The following UMOD variants were observed in gnomAD, a reference collection of about 807,000 sequenced individuals.
UMOD encodes Tamm-Horsfall urinary glycoprotein.
In UMOD, 64 loss-of-function variants were observed where a neutral mutation model predicts 66.0. The observed-to-expected ratio is 0.97, with a 90% CI of 0.79 to 1.19. The LOEUF (loss-of-function observed/expected upper bound fraction) is 1.19, where lower values mean the gene tolerates loss of function less well. Among genes scored for constraint, UMOD ranks in the 50% most tolerant of loss-of-function variants. The probability of loss-of-function intolerance (pLI) is 0.00; values close to 1 mark genes in which losing one functional copy is unlikely to be tolerated. For missense variants in UMOD, 764 were observed against 850.9 expected (o/e 0.90, Z 1.27); for synonymous variants, 398 against 352.7 (o/e 1.13, Z -1.44).
chr16:20,348,280 A>G lies in UMOD; in HGVS notation c.916T>C (p.Cys306Arg). 6.2e-7 allele frequency: 1 copy of G among 1,614,202 alleles called. No homozygotes were observed. The highest frequency in any genetic ancestry group is 8.5e-7 in the Non-Finnish European group (1 of 1,180,042). ...TCEECSIDED[C>R]KSNNGRWHCQ... Reference sequence around the variant, plus strand: ...TGCCATCTGCCATTATTCGATTTGCAGTCCTCGTCTATACTGCACTCCTCA... The same window carrying G: ...TGCCATCTGCCATTATTCGATTTGCGGTCCTCGTCTATACTGCACTCCTCA... The change falls in exon 4 of 11, where the codon TGC (cysteine) becomes CGC (arginine). Residue 306 changes from cysteine to arginine, a missense_variant. Coordinates refer to ENST00000396138, the MANE Select transcript of UMOD (RefSeq NM_003361.4).
chr16:20,344,253 A>C, intron 5 of UMOD, 81 bp from the exon 6 acceptor site: 1 of 1,397,378 alleles, frequency 7.2e-7, no homozygotes, highest in Non-Finnish European at 1.0e-6. Flanking sequence ...TCAAAGCTAA[A>C]TCTGCTGGTC....
At chr16:20,353,608 G>T (rs1567314681), upstream of UMOD, among the ~76,000 whole-genome samples, 1 of 152,186 alleles carries the variant, frequency 6.6e-6, no homozygotes, top group Non-Finnish European at 1.5e-5. Context: ...GAAAATGACA[G>T]AGCCTGAGTT....
intron 6 of UMOD, 65 bp from the exon 7 acceptor site, chr16:20,341,401 C>T: frequency 6.2e-7 from 1 of 1,603,374 alleles, no homozygotes; most frequent in African/African-American, 1.3e-5. Context: ...GCCACCTTCT[C>T]TGATTTGCAT....
intron 4 of UMOD, among the ~76,000 whole-genome samples, 192 bp from the exon 5 acceptor site, chr16:20,346,526 T>C (rs1407375019): frequency 6.6e-6 from 1 of 152,232 alleles, no homozygotes; most frequent in Non-Finnish European, 1.5e-5. Flanking sequence ...ATACATCCAC[T>C]GACCAACCAC....
rs916255590 is a variant in UMOD, at chr16:20,338,034, A to AC, written c.1578-582dup. On this transcript the variant is annotated intron_variant, in intron 7 of 10. Transcript: ENST00000396138. ...GGCTTTCTGGGGAGGCAAACTGGGC[A>AC]CCCCCTCTGCCATTCCGCACTCTTT... Among the ~76,000 whole-genome samples, 526 of 151,758 alleles carry AC rather than the reference A, an allele frequency of 3.5e-3. 1 individual carries two copies. Among genetic ancestry groups the AC allele is most frequent in the African/African-American group, 0.012 (483 of 41,300 alleles).
intron 6 of UMOD, among the ~76,000 whole-genome samples, chr16:20,343,294 A>G (rs939526235): frequency 6.6e-6 from 1 of 152,230 alleles, no homozygotes; most frequent in Non-Finnish European, 1.5e-5. Flanking sequence ...CGTGGCACCC[A>G]GTATGAATAG....
chr16:20,335,654 T>G (rs141410325), intron 9 of UMOD, 134 bp from the exon 10 acceptor site: 2 of 823,118 alleles, frequency 2.4e-6, no homozygotes, highest in Non-Finnish European at 4.1e-6. Flanking sequence ...CTGATCATGT[T>G]ACTCCCCTAC....
upstream of UMOD, among the ~76,000 whole-genome samples, chr16:20,355,382 C>CTTCT (rs545116281): frequency 0.013 from 1,934 of 151,290 alleles, 24 homozygotes; most frequent in Non-Finnish European, 0.02. Context: ...TTGAAACACT[C>CTTCT]TTCTTTCTTT....
At chr16:20,337,222 G>C (rs1347531223) in intron 8 of UMOD, 69 bp downstream of exon 8, 12 of 1,578,388 alleles carry the variant, frequency 7.6e-6, no homozygotes, top group Non-Finnish European at 8.7e-6. Flanking sequence ...AAGAAATATT[G>C]ATTTGTTTTC....
At chr16:20,341,780 A>G (rs1965235834) in intron 6 of UMOD, among the ~76,000 whole-genome samples, 1 of 152,208 alleles carries the variant, frequency 6.6e-6, no homozygotes, top group African/African-American at 2.4e-5. Flanking sequence ...AAAGGTATTG[A>G]GCTATGATGA....
At position 20,336,815 on chromosome 16, in the gene UMOD, G is replaced by A. The variant is rs146004778; in HGVS notation, c.1741-88C>T. 2,216 of 1,240,722 alleles carry A rather than the reference G, an allele frequency of 1.8e-3. 4 individuals are homozygous for A. Among genetic ancestry groups the A allele is most frequent in the Middle Eastern group, 4.3e-3 (19 of 4,368 alleles). The allele number at this position is 1,240,722 out of a possible 1,614,324, so 76.9% of individuals were successfully genotyped here. On this transcript the variant is annotated intron_variant, in intron 8 of 10. Coordinates refer to ENST00000396138, the MANE Select transcript of UMOD (RefSeq NM_003361.4). ...GTGGAGTGGACTGCCCACCTCACAG[G>A]TGCCTTCCCTTGCCCCAGGCAGAAG...
chr16:20,354,889 C>T (rs369525448), upstream of UMOD, among the ~76,000 whole-genome samples: 4 of 152,166 alleles, frequency 2.6e-5, no homozygotes, highest in African/African-American at 2.4e-5. Context: ...CAACCCTTGG[C>T]CTCCTTTTTG....
rs28640218 is a variant in UMOD at position 20,347,945 on chromosome 16, G to T, written c.973+278C>A. Among the ~76,000 whole-genome samples, 34,368 of 151,974 alleles carry T rather than the reference G, an allele frequency of 0.23. 4,074 individuals are homozygous for T. Among genetic ancestry groups the T allele is most frequent in the South Asian group, 0.34 (1,625 of 4,798 alleles). On this transcript the variant is annotated intron_variant, in intron 4 of 10. Coordinates refer to ENST00000396138, the MANE Select transcript of UMOD (RefSeq NM_003361.4). ...TTGGCTCCCAGATGGCAGCAACGTGGGTGCCCACTGTGGTGTGGGCCTCAG... is the reference window on the plus strand; with the variant it reads ...TTGGCTCCCAGATGGCAGCAACGTGTGTGCCCACTGTGGTGTGGGCCTCAG...
At chr16:20,349,487 G>A (rs1024804391) in intron 2 of UMOD, among the ~76,000 whole-genome samples, 8 of 152,068 alleles carry the variant, frequency 5.3e-5, no homozygotes, top group Admixed American at 4.6e-4. Flanking sequence ...GCAGTAGTGC[G>A]ATCATAGCTC....
chr16:20,339,845 C>A (rs1304604594), intron 7 of UMOD, among the ~76,000 whole-genome samples: 1 of 152,182 alleles, frequency 6.6e-6, no homozygotes, highest in Non-Finnish European at 1.5e-5. Context: ...CAGAGCCCGA[C>A]ACACAGCAAG....
intron 7 of UMOD, among the ~76,000 whole-genome samples, chr16:20,338,510 T>G (rs1342472956): frequency 6.6e-6 from 1 of 152,208 alleles, no homozygotes; most frequent in Non-Finnish European, 1.5e-5. Flanking sequence ...TTTATTTTAT[T>G]TTTAGATGGG....
chr16:20,333,300 C>A lies in UMOD; in HGVS notation c.*14G>T, dbSNP rs1964689449. On this transcript the variant is annotated 3_prime_UTR_variant, in exon 11 of 11. Coordinates refer to ENST00000396138, the MANE Select transcript of UMOD (RefSeq NM_003361.4). ...GAGATGGCAGCCATGGAGCACAGGG[C>A]TTTCCGCTGTCAGTCACTGAAAAGT... 8.1e-6 allele frequency: 13 copies of A among 1,611,974 alleles called. No homozygotes were observed. Among genetic ancestry groups the A allele is most frequent in the Non-Finnish European group, 1.1e-5 (13 of 1,179,330 alleles).
At chr16:20,345,502 C>CCCTTCCTTCCTTCCTTCCTTCCTTCCTT (rs1228147595) in intron 5 of UMOD, among the ~76,000 whole-genome samples, 1 of 53,000 alleles carries the variant, frequency 1.9e-5, no homozygotes. Flanking sequence ...CTCCCTCCCT[C>CCCTTCCTTCCTTCCTTCCTTCCTTCCTT]CCTTCCTTCC....
chr16:20,350,381 T>C (rs1208135562), intron 2 of UMOD, among the ~76,000 whole-genome samples: 1 of 152,180 alleles, frequency 6.6e-6, no homozygotes, highest in Non-Finnish European at 1.5e-5. Context: ...GGGACCCCAG[T>C]ATGAGCATCG....
Sources: allele counts gnomAD v4.1 joint callset (sites outside exome capture counted in the v4.1 genomes callset), GRCh38; gene constraint gnomAD v4.1.1; transcripts MANE v1.5; gene names NCBI Gene and HGNC (gene_info 2026-07-23, HGNC 2026-07-21).